Variants in RAD54L2 observed in about 807,000 individuals in gnomAD.
RAD54L2 encodes RAD54 like 2, also known as helicase ARIP4.
RAD54L2 carries 27 observed loss-of-function variants against 138.4 expected under a neutral mutation model. That is an observed-to-expected ratio of 0.20 (90% CI 0.14 to 0.27). RAD54L2 has a LOEUF of 0.27. Among genes scored for constraint, RAD54L2 ranks in the 10% least tolerant of loss-of-function variants. The pLI is 1.00. For synonymous variants in RAD54L2, 644 were observed against 723.2 expected (o/e 0.89, Z 1.76); for missense variants, 1,396 against 1,890.2 (o/e 0.74, Z 4.85).
At chr3:51,611,802 C>T (rs1295763377) in intron 3 of RAD54L2, among the ~76,000 whole-genome samples, 1 of 151,978 alleles carries the variant, frequency 6.6e-6, no homozygotes, top group Non-Finnish European at 1.5e-5. Context: ...GTGATCCACC[C>T]GCCTCGGGCT....
chr3:51,618,661 A>G (rs749022203), intron 3 of RAD54L2, among the ~76,000 whole-genome samples: 4 of 152,340 alleles, frequency 2.6e-5, no homozygotes, highest in East Asian at 3.9e-4. Flanking sequence ...CCATATGTCA[A>G]TTTGAGTTAG....
At chr3:51,641,016 T>C (rs542249491) in intron 14 of RAD54L2, among the ~76,000 whole-genome samples, 4 of 152,318 alleles carry the variant, frequency 2.6e-5, no homozygotes, top group East Asian at 1.9e-4. Flanking sequence ...TTTTCTTTTT[T>C]TTTGAGATGG....
chr3:51,639,817 A>G, intron 13 of RAD54L2, 64 bp from the exon 14 acceptor site: 1 of 1,488,488 alleles, frequency 6.7e-7, no homozygotes, highest in Non-Finnish European at 9.1e-7. Flanking sequence ...TTGGAAGGAA[A>G]TAATTTTATT....
chr3:51,561,505 A>G (rs1308693872), intron 2 of RAD54L2, among the ~76,000 whole-genome samples: 1 of 151,898 alleles, frequency 6.6e-6, no homozygotes, highest in South Asian at 2.1e-4. Context: ...TCTGCCTCCC[A>G]AAGTGCTGGG....
At chr3:51,635,888 T>C in intron 10 of RAD54L2, 99 bp downstream of exon 10, 1 of 1,265,430 alleles carries the variant, frequency 7.9e-7, no homozygotes, top group Non-Finnish European at 1.1e-6. Context: ...GCATTATTGA[T>C]GTGAATTGTT....
At chr3:51,612,803 G>A (rs1700359833) in intron 3 of RAD54L2, among the ~76,000 whole-genome samples, 1 of 151,998 alleles carries the variant, frequency 6.6e-6, no homozygotes, top group Admixed American at 6.6e-5. Flanking sequence ...CATAGGAGAG[G>A]CATACTTTAA....
At chr3:51,542,373 G>C (rs917787861) in intron 2 of RAD54L2, among the ~76,000 whole-genome samples, 1 of 152,060 alleles carries the variant, frequency 6.6e-6, no homozygotes, top group East Asian at 1.9e-4. Context: ...CAGGATTCAA[G>C]TTTCCTTGTC....
chr3:51,636,838 C>G (rs1016399899), intron 10 of RAD54L2, among the ~76,000 whole-genome samples: 1 of 152,058 alleles, frequency 6.6e-6, no homozygotes, highest in Non-Finnish European at 1.5e-5. Flanking sequence ...GAGGCTGAGG[C>G]AGGAGAATCG....
chr3:51,598,537 C>T (rs1700019435), intron 3 of RAD54L2, among the ~76,000 whole-genome samples: 1 of 151,956 alleles, frequency 6.6e-6, no homozygotes, highest in Non-Finnish European at 1.5e-5. Flanking sequence ...GGAGGATCAC[C>T]TGAGGCCAGG....
chr3:51,663,076 A>C lies in RAD54L2; in HGVS notation c.4060A>C (p.Ser1354Arg). 2 of 1,613,898 alleles carry C rather than the reference A, an allele frequency of 1.2e-6. No individual in the cohort carries two copies. The highest frequency in any genetic ancestry group is 1.7e-6 in the Non-Finnish European group (2 of 1,179,866). ...CCCTCTGGTGCCAGCAGGCCCCGTC[A>C]GTTCCTCTTCCACGGCTACCTCAGT... ...TDPLVPAGPVSSSSTATSVTA... is the reference protein window; with the variant it reads ...TDPLVPAGPVRSSSTATSVTA... Residue 1354 changes from serine to arginine, a missense_variant, in exon 23 of 23, where the codon AGT (serine) becomes CGT (arginine). Coordinates refer to ENST00000684192, the MANE Select transcript of RAD54L2 (RefSeq NM_015106.4).
chr3:51,585,902 C>G (rs1473879150), intron 2 of RAD54L2, among the ~76,000 whole-genome samples: 1 of 152,106 alleles, frequency 6.6e-6, no homozygotes, highest in African/African-American at 2.4e-5. Context: ...CATTATTGCT[C>G]TCCTGGTTTC....
chr3:51,654,774 T>C (rs1322078447), intron 19 of RAD54L2, among the ~76,000 whole-genome samples: 1 of 152,242 alleles, frequency 6.6e-6, no homozygotes, highest in Non-Finnish European at 1.5e-5. Context: ...GCTTTGTTTC[T>C]GGCTTAGCTC....
At chr3:51,647,093 C>A (rs985262290) in intron 19 of RAD54L2, among the ~76,000 whole-genome samples, 4 of 152,066 alleles carry the variant, frequency 2.6e-5, no homozygotes, top group Non-Finnish European at 5.9e-5. Context: ...ACAGCTCTCA[C>A]CCTCCACTTA....
At position 51,664,765 on chromosome 3, in the gene RAD54L2, G is replaced by A. The variant is rs1157653738; in HGVS notation, c.*1345G>A. 6.6e-6 allele frequency: 1 copy of A among 152,198 alleles called. No homozygotes were observed. The highest frequency in any genetic ancestry group is 1.5e-5 in the Non-Finnish European group (1 of 68,036). 9.4% of individuals were successfully genotyped at this position (152,198 alleles called of 1,614,324 possible). A position where few individuals can be genotyped will look rare whatever the true frequency, so the allele number is the denominator to read the frequency against. The stretch of plus-strand genomic sequence containing the variant: ...GAATCCTGAGACTGGATAGTTAGTG[G>A]AGGGTGGGACTCATTCCACAGAAAT... On this transcript the variant is annotated 3_prime_UTR_variant, in exon 23 of 23. Transcript: ENST00000684192.
chr3:51,554,232 T>C (rs1698910719), intron 2 of RAD54L2, among the ~76,000 whole-genome samples: 1 of 151,978 alleles, frequency 6.6e-6, no homozygotes, highest in Admixed American at 6.6e-5. Flanking sequence ...CCGGGTGTGG[T>C]GGTGCACGCC....
rs370461731 is a variant in RAD54L2, at chr3:51,637,123, C to T, written c.1340-38C>T. Reference sequence around the variant, plus strand: ...TCATATTATTGACTAAGAGCAGGCCCTGTCACCCTCTGACTCCGGATCCTC... The same window carrying T: ...TCATATTATTGACTAAGAGCAGGCCTTGTCACCCTCTGACTCCGGATCCTC... On this transcript the variant is annotated intron_variant, in intron 10 of 22. Coordinates refer to ENST00000684192, the MANE Select transcript of RAD54L2 (RefSeq NM_015106.4). This position sits in a 1 kb window ranked among gnomAD's most constrained non-coding sequence, Gnocchi z 5.9. 240 of 1,521,508 alleles carry T rather than the reference C, an allele frequency of 1.6e-4. No homozygotes were observed. Among genetic ancestry groups the T allele is most frequent in the Middle Eastern group, 5.1e-4 (3 of 5,928 alleles). The allele number at this position is 1,521,508 out of a possible 1,614,324, so 94.3% of individuals were successfully genotyped here. A position where few individuals can be genotyped will look rare whatever the true frequency, so the allele number is the denominator to read the frequency against.
chr3:51,653,671 T>C (rs1300807084), intron 19 of RAD54L2, among the ~76,000 whole-genome samples: 1 of 152,046 alleles, frequency 6.6e-6, no homozygotes, highest in African/African-American at 2.4e-5. Context: ...CTCAGCAAAC[T>C]ATCACAAGGA....
rs760216853 is a variant in RAD54L2 at position 51,634,016 on chromosome 3, A to G, written c.1123A>G (p.Ile375Val). 3.1e-6 allele frequency: 5 copies of G among 1,613,502 alleles called. No individual in the cohort carries two copies. In the African/African-American group the frequency reaches 5.3e-5, roughly 17 times the overall value. Residue 375 changes from isoleucine to valine, a missense_variant, in exon 9 of 23, where the codon ATC (isoleucine) becomes GTC (valine). By Grantham distance (29) the Ile-to-Val change is conservative. This residue lies in a region of RAD54L2 where 169 missense variants were observed against 235.6 expected (regional missense o/e 0.72). Coordinates refer to ENST00000684192, the MANE Select transcript of RAD54L2 (RefSeq NM_015106.4). ...EVQPRFFKVH[I>V]LNDEHKTMAS... ...CCAGCCTCGGTTCTTTAAAGTTCAC[A>G]TCTTGAATGATGAGCACAAGTAGGT...
chr3:51,601,434 A>G (rs1700077797), intron 3 of RAD54L2, among the ~76,000 whole-genome samples: 1 of 151,166 alleles, frequency 6.6e-6, no homozygotes, highest in African/African-American at 2.4e-5. Flanking sequence ...CAGCCTTCTG[A>G]GTAGCTGGGG....
Sources: allele counts gnomAD v4.1 joint callset (sites outside exome capture counted in the v4.1 genomes callset), GRCh38; gene constraint gnomAD v4.1.1; regional missense constraint gnomAD v4.1.1; non-coding constraint Gnocchi (gnomAD v3.1); transcripts MANE v1.5; gene names NCBI Gene and HGNC (gene_info 2026-07-23, HGNC 2026-07-21).